CERT1: variants seen among roughly 807,000 people sequenced by gnomAD.
The protein encoded by CERT1 is ceramide transfer protein.
In CERT1, 31 loss-of-function variants were observed where a neutral mutation model predicts 87.9. The observed-to-expected ratio is 0.35, with a 90% CI of 0.27 to 0.48. CERT1 has a LOEUF of 0.48. Ranked by LOEUF, CERT1 falls within the 20% of genes least tolerant of loss-of-function variation. The probability of loss-of-function intolerance (pLI) is 0.99; values close to 1 mark genes in which losing one functional copy is unlikely to be tolerated. For missense variants in CERT1, 487 were observed against 758.0 expected, an observed-to-expected ratio of 0.64 and a Z score of 4.20; for synonymous variants, 289 against 250.9, an observed-to-expected ratio of 1.15 and a Z score of -1.44.
chr5:75,452,556 T>A (rs1183972129), intron 3 of CERT1, among the ~76,000 whole-genome samples: 1 of 152,138 alleles, frequency 6.6e-6, no homozygotes, highest in East Asian at 1.9e-4. Flanking sequence ...CAAAATCACA[T>A]GTATTCTAAT....
At chr5:75,502,852 C>G (rs1256387974) in intron 2 of CERT1, among the ~76,000 whole-genome samples, 1 of 151,998 alleles carries the variant, frequency 6.6e-6, no homozygotes, top group African/African-American at 2.4e-5. Context: ...TTCAGAATAT[C>G]TACTATGCGG....
At chr5:75,455,711 T>TACA (rs1279226378) in intron 3 of CERT1, among the ~76,000 whole-genome samples, 4 of 152,194 alleles carry the variant, frequency 2.6e-5, no homozygotes, top group Admixed American at 1.3e-4. Context: ...ACTCAGATTA[T>TACA]ACACCACAAT....
intron 3 of CERT1, among the ~76,000 whole-genome samples, chr5:75,448,348 A>C (rs1389316560): frequency 6.6e-6 from 1 of 152,222 alleles, no homozygotes. Context: ...TGTGTGACTG[A>C]AAAATGATAG....
In CERT1 at chr5:75,424,520, C is replaced by T. The variant is rs568459983; in HGVS notation, c.595+841G>A. On this transcript the variant is annotated intron_variant, in intron 5 of 16. Transcript: ENST00000643780. Reference sequence around the variant, plus strand: ...CAGGGAGCCGGAGGTTGCAGCGAGCCGAGATCACGCGACTGCACTCCAGCC... The same window carrying T: ...CAGGGAGCCGGAGGTTGCAGCGAGCTGAGATCACGCGACTGCACTCCAGCC... 3.8e-4 allele frequency among the ~76,000 whole-genome samples: 57 copies of T among 150,630 alleles called. No individual in the cohort carries two copies. The South Asian group carries it at 0.012, about 32-fold the overall frequency.
At chr5:75,372,395 T>A (rs919252031) in intron 17 of CERT1, 1 of 152,116 alleles carries the variant, frequency 6.6e-6, no homozygotes, top group African/African-American at 2.4e-5. Flanking sequence ...GTATAAATTT[T>A]TCTTTTTTAA....
chr5:75,383,199 C>T (rs1030547135), intron 14 of CERT1, among the ~76,000 whole-genome samples: 3 of 151,786 alleles, frequency 2.0e-5, no homozygotes, highest in African/African-American at 4.8e-5. Flanking sequence ...ACATACACTG[C>T]GAATGTAATG....
chr5:75,491,176 C>A (rs1191835820), intron 2 of CERT1, among the ~76,000 whole-genome samples: 3 of 151,982 alleles, frequency 2.0e-5, no homozygotes, highest in African/African-American at 7.2e-5. Flanking sequence ...TTTTCAATAT[C>A]CTTCGTTTAA....
chr5:75,502,856 T>TA (rs1185068785), intron 2 of CERT1, among the ~76,000 whole-genome samples: 4 of 152,132 alleles, frequency 2.6e-5, no homozygotes, highest in Non-Finnish European at 4.4e-5. Context: ...GAATATCTAC[T>TA]ATGCGGCAAA....
At chr5:75,418,618 C>G (rs1763240954) in intron 6 of CERT1, among the ~76,000 whole-genome samples, 1 of 152,108 alleles carries the variant, frequency 6.6e-6, no homozygotes, top group African/African-American at 2.4e-5. Context: ...GATACACAAA[C>G]TATGGTATAT....
At chr5:75,451,377 T>C (rs12656938) in intron 3 of CERT1, among the ~76,000 whole-genome samples, 8,499 of 152,230 alleles carry the variant, frequency 0.056, 303 homozygotes, top group East Asian at 0.18. Context: ...GAGCCCCGAC[T>C]ACTGTAAGAA....
chr5:75,487,099 T>G (rs897745916), intron 2 of CERT1, among the ~76,000 whole-genome samples: 1 of 152,142 alleles, frequency 6.6e-6, no homozygotes, highest in Non-Finnish European at 1.5e-5. Flanking sequence ...AGAGCTATAG[T>G]AACCAAAACA....
intron 11 of CERT1, among the ~76,000 whole-genome samples, chr5:75,395,555 C>CA (rs35109034): frequency 0.31 from 14,632 of 47,960 alleles, 1,822 homozygotes; most frequent in East Asian, 0.39. Flanking sequence ...TGTCTCTTTA[C>CA]AAAAAAAAAA....
rs1238919733 is a variant in CERT1 at position 75,389,572 on chromosome 5, A to G, written c.1284+20T>C. ...AACAGAGACGCCTTTGGCAATCTAT[A>G]ACATTTCAGGGGGAATTACCTTCAT... On this transcript the variant is annotated intron_variant, in intron 12 of 16. Transcript: ENST00000643780. 6.3e-7 allele frequency: 1 copy of G among 1,593,576 alleles called. No homozygotes were observed.
At chr5:75,463,014 T>C (rs1387965739) in intron 2 of CERT1, among the ~76,000 whole-genome samples, 1 of 125,154 alleles carries the variant, frequency 8.0e-6, no homozygotes, top group Non-Finnish European at 1.6e-5. Flanking sequence ...AAAAAAAAAG[T>C]CATGGACATG....
intron 2 of CERT1, among the ~76,000 whole-genome samples, chr5:75,499,673 T>C (rs149275973): frequency 2.0e-5 from 3 of 152,334 alleles, no homozygotes; most frequent in South Asian, 2.1e-4. Context: ...TCACGGCCCA[T>C]GCACAACGTT....
intron 3 of CERT1, among the ~76,000 whole-genome samples, chr5:75,457,442 T>C (rs541226405): frequency 1.3e-5 from 2 of 152,290 alleles, no homozygotes; most frequent in East Asian, 1.9e-4. Context: ...CTCCAGAGCA[T>C]TGAGATTTTT....
intron 2 of CERT1, among the ~76,000 whole-genome samples, chr5:75,481,770 T>TA (rs1766258624): frequency 6.6e-6 from 1 of 152,170 alleles, no homozygotes; most frequent in Admixed American, 6.5e-5. Context: ...TGAGAATCTC[T>TA]AAATAAAACA....
At chr5:75,393,543 T>C (rs542842707) in intron 11 of CERT1, among the ~76,000 whole-genome samples, 2 of 138,918 alleles carry the variant, frequency 1.4e-5, no homozygotes, top group African/African-American at 2.7e-5. Flanking sequence ...CTTGGGAGGA[T>C]TGCTTGGGCC....
At chr5:75,384,506 T>G (rs1761707844) in intron 14 of CERT1, 136 bp downstream of exon 14, 1 of 604,164 alleles carries the variant, frequency 1.7e-6, no homozygotes, top group African/African-American at 1.9e-5. Context: ...ATACATGACA[T>G]TCATGAATCA....
Sources: gnomAD v4.1 joint callset for allele counts (sites outside exome capture counted in the v4.1 genomes callset) on GRCh38, gnomAD v4.1.1 for gene constraint, MANE v1.5 for transcripts, NCBI Gene and HGNC (gene_info 2026-07-23, HGNC 2026-07-21) for gene names.